SSBP3: variants seen among roughly 807,000 people sequenced by gnomAD.
SSBP3 encodes the protein single-stranded DNA-binding protein 3.
SSBP3 carries 5 observed loss-of-function variants against 69.6 expected under a neutral mutation model. That is an observed-to-expected ratio of 0.07 (90% CI 0.04 to 0.15). SSBP3 has a LOEUF of 0.15. SSBP3 is among the 10% of genes least tolerant of loss of function. The probability of loss-of-function intolerance (pLI) is 1.00; values close to 1 mark genes in which losing one functional copy is unlikely to be tolerated. For missense variants in SSBP3, 312 were observed against 534.0 expected, an observed-to-expected ratio of 0.58 and a Z score of 4.10; for synonymous variants, 196 against 193.4, an observed-to-expected ratio of 1.01 and a Z score of -0.11.
chr1:54,246,188 G>A (rs894398910), intron 9 of SSBP3, among the ~76,000 whole-genome samples: 1 of 152,204 alleles, frequency 6.6e-6, no homozygotes, highest in Admixed American at 6.5e-5. Flanking sequence ...CCTAGGAGGT[G>A]TGCACTGATT....
chr1:54,339,101 C>T (rs1052505944), intron 4 of SSBP3, among the ~76,000 whole-genome samples: 3 of 152,040 alleles, frequency 2.0e-5, no homozygotes, highest in African/African-American at 7.3e-5. Context: ...TTCCAGCCTC[C>T]AAAGTATCCT....
chr1:54,363,061 T>C (rs545111990), intron 4 of SSBP3, among the ~76,000 whole-genome samples: 9 of 152,166 alleles, frequency 5.9e-5, no homozygotes, highest in African/African-American at 2.2e-4. Flanking sequence ...CCTCCATCAG[T>C]GTGGATAGAA....
At chr1:54,233,824 C>G (rs1405856797) in intron 14 of SSBP3, among the ~76,000 whole-genome samples, 1 of 152,024 alleles carries the variant, frequency 6.6e-6, no homozygotes, top group Non-Finnish European at 1.5e-5. Context: ...CGCCTCTGCC[C>G]GGCCACCACC....
chr1:54,358,959 C>T (rs1646910852), intron 4 of SSBP3, among the ~76,000 whole-genome samples: 4 of 152,060 alleles, frequency 2.6e-5, no homozygotes, highest in Non-Finnish European at 4.4e-5. Context: ...GACTCAAGAG[C>T]GTCTTCCACC....
chr1:54,310,756 A>G (rs894355466), intron 4 of SSBP3, among the ~76,000 whole-genome samples: 3 of 152,178 alleles, frequency 2.0e-5, no homozygotes, highest in Non-Finnish European at 2.9e-5. Flanking sequence ...CCACTATTTT[A>G]CAGATTCAAG....
chr1:54,410,742 C>G (rs1401686929), upstream of SSBP3, among the ~76,000 whole-genome samples: 1 of 152,200 alleles, frequency 6.6e-6, no homozygotes, highest in East Asian at 1.9e-4. Context: ...ACCGTCCTCT[C>G]TGTGCAATGA....
chr1:54,402,204 G>T (rs1201959890), intron 3 of SSBP3, among the ~76,000 whole-genome samples: 2 of 152,188 alleles, frequency 1.3e-5, no homozygotes, highest in African/African-American at 4.8e-5. Flanking sequence ...CGTATTACTT[G>T]TGTCTACCAT....
intron 4 of SSBP3, among the ~76,000 whole-genome samples, chr1:54,366,745 T>C (rs1647034926): frequency 1.3e-5 from 2 of 152,210 alleles, no homozygotes; most frequent in African/African-American, 4.8e-5. Context: ...CTTGAATAAT[T>C]AAAAATAAAT....
exon 7 of SSBP3, chr1:54,257,171 G>C (rs781179285): frequency 6.2e-7 from 1 of 1,601,898 alleles, no homozygotes; most frequent in Non-Finnish European, 8.5e-7. Context: ...CCTGCGTATC[G>C]CGGTGACATA....
At chr1:54,317,681 G>A (rs991305915) in intron 4 of SSBP3, among the ~76,000 whole-genome samples, 5 of 152,084 alleles carry the variant, frequency 3.3e-5, no homozygotes, top group African/African-American at 7.2e-5. Context: ...TTTCCAAAAC[G>A]TGTCCAAAGT....
At chr1:54,316,788 T>C (rs564674777) in intron 4 of SSBP3, among the ~76,000 whole-genome samples, 56 of 152,228 alleles carry the variant, frequency 3.7e-4, no homozygotes, top group South Asian at 1.2e-3. Context: ...GGGTACTTTA[T>C]AAATAATAGA....
At chr1:54,241,419 T>G (rs1324901462) in intron 12 of SSBP3, 55 bp downstream of exon 12, 10 of 1,596,844 alleles carry the variant, frequency 6.3e-6, no homozygotes, top group African/African-American at 1.3e-5. Flanking sequence ...CCAGTTCTCT[T>G]GCACACTCAG....
chr1:54,252,625 G>T (rs1352875333), intron 7 of SSBP3, among the ~76,000 whole-genome samples: 2 of 152,232 alleles, frequency 1.3e-5, no homozygotes, highest in Admixed American at 1.3e-4. Flanking sequence ...TGCTGGTGTG[G>T]TTACTAATGA....
chr1:54,342,389 G>A (rs904145854), intron 4 of SSBP3, among the ~76,000 whole-genome samples: 6 of 152,260 alleles, frequency 3.9e-5, no homozygotes, highest in Non-Finnish European at 8.8e-5. Flanking sequence ...CCTGGGAGGA[G>A]ATGGGTGGAT....
intron 4 of SSBP3, among the ~76,000 whole-genome samples, chr1:54,327,948 A>T (rs1267783891): frequency 6.6e-6 from 1 of 152,218 alleles, no homozygotes; most frequent in Non-Finnish European, 1.5e-5. Flanking sequence ...TATACCAAAT[A>T]TAGTTCCGTA....
chr1:54,239,034 C>A, intron 14 of SSBP3, 95 bp downstream of exon 14: 1 of 1,092,854 alleles, frequency 9.2e-7, no homozygotes, highest in South Asian at 1.3e-5. Flanking sequence ...TAACAAATGG[C>A]TGAAATCAAT....
chr1:54,330,533 G>A (rs1356857034), intron 4 of SSBP3, among the ~76,000 whole-genome samples: 2 of 152,128 alleles, frequency 1.3e-5, no homozygotes, highest in Non-Finnish European at 2.9e-5. Context: ...CCAGAGCAAG[G>A]GCGACCGCTT....
intron 4 of SSBP3, among the ~76,000 whole-genome samples, chr1:54,372,216 A>G (rs780419512): frequency 2.0e-5 from 3 of 152,208 alleles, no homozygotes; most frequent in African/African-American, 7.2e-5. Context: ...AAATGGGGTA[A>G]TACCTGCCTT....
At chr1:54,357,021 G>A (rs530051491) in intron 4 of SSBP3, among the ~76,000 whole-genome samples, 1 of 150,100 alleles carries the variant, frequency 6.7e-6, no homozygotes, top group East Asian at 2.0e-4. Flanking sequence ...CTGGGTGGAG[G>A]GAACAGGGCT....
Sources: gnomAD v4.1 joint callset for allele counts (sites outside exome capture counted in the v4.1 genomes callset) on GRCh38, gnomAD v4.1.1 for gene constraint, MANE v1.5 for transcripts, NCBI Gene and HGNC (gene_info 2026-07-23, HGNC 2026-07-21) for gene names.